Variants in XPR1 observed in about 807,000 individuals in gnomAD.
XPR1 encodes xenotropic and polytropic retrovirus receptor 1.
Under a neutral mutation model 87.5 loss-of-function variants are expected in XPR1, and 28 were observed. That is an observed-to-expected ratio of 0.32 (90% CI 0.24 to 0.44). The LOEUF (loss-of-function observed/expected upper bound fraction) is 0.44. Among genes scored for constraint, XPR1 ranks in the 20% least tolerant of loss-of-function variants. The pLI is 1.00. For missense variants in XPR1, 559 were observed against 862.3 expected, an observed-to-expected ratio of 0.65 and a Z score of 4.41; for synonymous variants, 300 against 306.1, an observed-to-expected ratio of 0.98 and a Z score of 0.21.
chr1:180,782,672 T>G (rs1324171268), intron 2 of XPR1, among the ~76,000 whole-genome samples: 1 of 151,996 alleles, frequency 6.6e-6, no homozygotes, highest in African/African-American at 2.4e-5. Flanking sequence ...AGTTGCCTCT[T>G]TAAAGGCCCT....
intron 2 of XPR1, among the ~76,000 whole-genome samples, chr1:180,687,543 G>C (rs1259785698): frequency 6.6e-6 from 1 of 151,966 alleles, no homozygotes; most frequent in African/African-American, 2.4e-5. Context: ...TTTCAGGGTG[G>C]TACCTTTACT....
At chr1:180,658,214 A>G (rs1179199227) in intron 1 of XPR1, among the ~76,000 whole-genome samples, 1 of 152,200 alleles carries the variant, frequency 6.6e-6, no homozygotes, top group African/African-American at 2.4e-5. Context: ...TTCCAATTAT[A>G]AGATCATATC....
chr1:180,862,988 A>C (rs1652269998), intron 11 of XPR1, among the ~76,000 whole-genome samples: 1 of 152,116 alleles, frequency 6.6e-6, no homozygotes, highest in African/African-American at 2.4e-5. Flanking sequence ...ATATTTGTGA[A>C]TCATTATTCT....
At chr1:180,746,099 G>GT (rs1376143212) in intron 2 of XPR1, among the ~76,000 whole-genome samples, 4 of 151,646 alleles carry the variant, frequency 2.6e-5, no homozygotes, top group Non-Finnish European at 4.4e-5. Flanking sequence ...ATTTTACTAT[G>GT]TTTTTTTATT....
At chr1:180,656,652 A>G (rs1655539130) in intron 1 of XPR1, among the ~76,000 whole-genome samples, 1 of 122,992 alleles carries the variant, frequency 8.1e-6, no homozygotes, top group Non-Finnish European at 1.6e-5. Flanking sequence ...ATTATTATAT[A>G]TAATATATAA....
At chr1:180,682,299 G>C in intron 1 of XPR1, 61 bp from the exon 2 acceptor site, 1 of 1,354,288 alleles carries the variant, frequency 7.4e-7, no homozygotes, top group Non-Finnish European at 1.0e-6. Context: ...TTTAGCTTCA[G>C]ATACATTCAG....
intron 2 of XPR1, among the ~76,000 whole-genome samples, chr1:180,695,155 G>A (rs1657120097): frequency 6.6e-6 from 1 of 152,024 alleles, no homozygotes; most frequent in Non-Finnish European, 1.5e-5. Context: ...GTGATATTGA[G>A]CACTTTTTTC....
intron 9 of XPR1, among the ~76,000 whole-genome samples, chr1:180,825,583 C>G (rs1055574855): frequency 5.9e-5 from 9 of 152,112 alleles, no homozygotes; most frequent in Admixed American, 5.9e-4. Context: ...CTTCGTTTAA[C>G]TAGCTGTGAT....
intron 7 of XPR1, among the ~76,000 whole-genome samples, chr1:180,821,138 A>ATGAAGATT (rs549763167): frequency 1.2e-3 from 190 of 152,208 alleles, no homozygotes; most frequent in African/African-American, 4.4e-3. Flanking sequence ...ATTCAAGGTC[A>ATGAAGATT]TGAAGATTTA....
chr1:180,690,952 G>C (rs1203635848), intron 2 of XPR1, among the ~76,000 whole-genome samples: 1 of 151,476 alleles, frequency 6.6e-6, no homozygotes, highest in Non-Finnish European at 1.5e-5. Context: ...AAATTCTCTT[G>C]ATCTATTATG....
intron 2 of XPR1, among the ~76,000 whole-genome samples, chr1:180,784,591 G>A (rs1571835096): frequency 6.6e-6 from 1 of 151,832 alleles, no homozygotes; most frequent in South Asian, 2.1e-4. Flanking sequence ...TATGGCTTCT[G>A]TGTTTTGTGT....
intron 2 of XPR1, among the ~76,000 whole-genome samples, chr1:180,736,966 G>A (rs547181311): frequency 2.0e-5 from 3 of 152,292 alleles, no homozygotes; most frequent in African/African-American, 7.2e-5. Context: ...GCAAGATGGT[G>A]GATACTCACA....
At chr1:180,809,583 A>G (rs1198666112) in intron 6 of XPR1, among the ~76,000 whole-genome samples, 2 of 152,192 alleles carry the variant, frequency 1.3e-5, no homozygotes, top group Non-Finnish European at 2.9e-5. Flanking sequence ...TTGAATAAAC[A>G]TTTTAAAATT....
chr1:180,727,648 A>C (rs927812959), intron 2 of XPR1, among the ~76,000 whole-genome samples: 2 of 152,198 alleles, frequency 1.3e-5, no homozygotes, highest in Non-Finnish European at 2.9e-5. Context: ...CCATCTCAAA[A>C]ACCAACCAAC....
chr1:180,747,095 T>C (rs916788602), intron 2 of XPR1, among the ~76,000 whole-genome samples: 3 of 152,178 alleles, frequency 2.0e-5, no homozygotes, highest in Non-Finnish European at 4.4e-5. Flanking sequence ...TTTGAAATGG[T>C]TAACATATTC....
intron 2 of XPR1, among the ~76,000 whole-genome samples, chr1:180,717,261 G>A (rs1213085293): frequency 6.6e-6 from 1 of 152,152 alleles, no homozygotes; most frequent in Non-Finnish European, 1.5e-5. Flanking sequence ...CCAAAGTGCT[G>A]GGATTACAGG....
intron 2 of XPR1, among the ~76,000 whole-genome samples, chr1:180,744,654 C>CTTTCTTTTTTTTTTTTTTTT (rs778247901): frequency 9.8e-6 from 1 of 102,396 alleles, no homozygotes; most frequent in Non-Finnish European, 1.8e-5. Context: ...CAATTTCTTT[C>CTTTCTTTTTTTTTTTTTTTT]TTTTTTTTTT....
At position 180,824,847 on chromosome 1, in the gene XPR1, C is replaced by T; in HGVS notation, c.858C>T (p.Gly286=). The T allele has an allele frequency of 6.2e-7, 1 of 1,614,050 alleles. No individual in the cohort carries two copies. Among genetic ancestry groups the T allele is most frequent in the Non-Finnish European group, 8.5e-7 (1 of 1,179,990 alleles). Residue 286 remains glycine, a synonymous_variant, in exon 8 of 15, where the codon GGC becomes GGT. Coordinates refer to ENST00000367590, the MANE Select transcript of XPR1 (RefSeq NM_004736.4). ...TGATTGAATTCCTTTTTCTACTGGGCATCAACACGTATGGTTGGAGACAGG... is the reference window on the plus strand; with the variant it reads ...TGATTGAATTCCTTTTTCTACTGGGTATCAACACGTATGGTTGGAGACAGG... The part of the protein sequence containing the change: ...FLLIEFLFLL[G]INTYGWRQAG...
At chr1:180,663,929 C>G (rs1655868849) in intron 1 of XPR1, among the ~76,000 whole-genome samples, 1 of 152,136 alleles carries the variant, frequency 6.6e-6, no homozygotes. Context: ...TATAGGGCCA[C>G]AGGAAATACT....
Sources: allele counts gnomAD v4.1 joint callset (sites outside exome capture counted in the v4.1 genomes callset), GRCh38; gene constraint gnomAD v4.1.1; transcripts MANE v1.5; gene names NCBI Gene and HGNC (gene_info 2026-07-23, HGNC 2026-07-21).